Variants in RTCB observed in about 807,000 individuals in gnomAD.
RTCB encodes RNA-splicing ligase RTCB.
In RTCB, 32 loss-of-function variants were observed where a neutral mutation model predicts 58.2. The observed-to-expected ratio is 0.55, with a 90% confidence interval of 0.41 to 0.74. RTCB has a LOEUF of 0.74. Ranked by LOEUF, RTCB falls within the 30% of genes least tolerant of loss-of-function variation. The pLI is 0.00. For missense variants in RTCB, 523 were observed against 639.0 expected, an observed-to-expected ratio of 0.82 and a Z score of 1.96; for synonymous variants, 247 against 218.6, an observed-to-expected ratio of 1.13 and a Z score of -1.15.
intron 1 of RTCB, among the ~76,000 whole-genome samples, chr22:32,409,104 T>A (rs1179698021): frequency 1.3e-5 from 2 of 152,120 alleles, no homozygotes; most frequent in African/African-American, 2.4e-5. Context: ...AGATTCAGCA[T>A]CTTTTTGTGA....
chr22:32,412,076 C>T lies in RTCB; in HGVS notation c.81G>A (p.Val27=), dbSNP rs768697896. ...TCTCCTGCCTTACCTGCATGTTGGG[C>T]ACGAAGCCCTTCTTGATCCTCCAGC... is the stretch of plus-strand genomic sequence containing the variant. ...KNCWRIKKGF[V]PNMQVEGVFY... Residue 27 remains valine (V), a synonymous_variant, in exon 1 of 12, where the codon GTG becomes GTA. Coordinates refer to ENST00000216038, the MANE Select transcript of RTCB (RefSeq NM_014306.5). 6.2e-7 allele frequency: 1 copy of T among 1,607,424 alleles called. No homozygotes were observed. Among genetic ancestry groups the T allele is most frequent in the Non-Finnish European group, 8.5e-7 (1 of 1,178,622 alleles).
chr22:32,405,311 G>C (rs895797449), intron 4 of RTCB, among the ~76,000 whole-genome samples: 1 of 152,142 alleles, frequency 6.6e-6, no homozygotes, highest in Non-Finnish European at 1.5e-5. Flanking sequence ...TATTACTAAA[G>C]TGGTCCCGAG....
intron 5 of RTCB, 46 bp downstream of exon 5, chr22:32,401,701 G>A: frequency 6.3e-7 from 1 of 1,593,006 alleles, no homozygotes; most frequent in Non-Finnish European, 8.6e-7. Context: ...AAGGTCATGT[G>A]GTTATTATCC....
In RTCB at chr22:32,387,775, T is replaced by G. The variant is rs1933082507; in HGVS notation, c.*217A>C. Reference sequence around the variant, plus strand: ...ACCAAGGAGAAGGCATATTCCTCCCTTTCCAAAGGTGGGCAATGTGCCTCT... The same window carrying G: ...ACCAAGGAGAAGGCATATTCCTCCCGTTCCAAAGGTGGGCAATGTGCCTCT... On this transcript the variant is annotated 3_prime_UTR_variant, in exon 12 of 12. Transcript: ENST00000216038. The G allele has an allele frequency of 1.0e-5, 5 of 493,268 alleles. No individual in the cohort carries two copies. The highest frequency in any genetic ancestry group is 1.8e-5 in the Non-Finnish European group (5 of 272,910). The allele number at this position is 493,268 out of a possible 1,614,324, so 30.6% of individuals were successfully genotyped here. A position where few individuals can be genotyped will look rare whatever the true frequency, so the allele number is the denominator to read the frequency against.
intron 7 of RTCB, 73 bp downstream of exon 7, chr22:32,397,868 C>A: frequency 7.0e-7 from 1 of 1,430,738 alleles, no homozygotes; most frequent in Non-Finnish European, 9.5e-7. Flanking sequence ...CAGTATATTT[C>A]AGAGTTTTCG....
chr22:32,395,184 CAG>C lies in RTCB; in HGVS notation c.1019_1020del (p.Pro340ArgfsTer2). The C allele has an allele frequency of 6.2e-7, 1 of 1,614,172 alleles. No individual in the cohort carries two copies. ...TAGATCACATGTAGGTCCAAGTCAT[CAG>C]GGGTTGTGTTGAAGACCTTGGCGAA... ...QAFAKVFNTT[P>X]DDLDLHVIYD... On this transcript the variant is annotated frameshift_variant, in exon 9 of 12. Transcript: ENST00000216038. LOFTEE classifies it high-confidence loss of function.
intron 4 of RTCB, among the ~76,000 whole-genome samples, chr22:32,403,294 C>A (rs1236013230): frequency 2.0e-5 from 3 of 152,094 alleles, no homozygotes; most frequent in African/African-American, 2.4e-5. Flanking sequence ...GTAGTCCCAG[C>A]CACTCAGGAG....
intron 1 of RTCB, among the ~76,000 whole-genome samples, chr22:32,411,304 T>C (rs1391635911): frequency 6.6e-6 from 1 of 152,190 alleles, no homozygotes; most frequent in Non-Finnish European, 1.5e-5. Context: ...ATAAACGTTT[T>C]CTTTTTTCAC....
intron 10 of RTCB, among the ~76,000 whole-genome samples, chr22:32,392,873 T>G (rs905586694): frequency 1.3e-5 from 2 of 152,344 alleles, no homozygotes; most frequent in Non-Finnish European, 2.9e-5. Context: ...CTGGATGGCT[T>G]AGAAAAGGGG....
At chr22:32,395,677 GC>G (rs1171202649) in intron 8 of RTCB, among the ~76,000 whole-genome samples, 2 of 152,076 alleles carry the variant, frequency 1.3e-5, no homozygotes, top group Non-Finnish European at 2.9e-5. Context: ...AACACCATAG[GC>G]TTTGACTGGA....
At chr22:32,394,282 T>C (rs1471296944) in intron 9 of RTCB, among the ~76,000 whole-genome samples, 2 of 152,068 alleles carry the variant, frequency 1.3e-5, no homozygotes, top group African/African-American at 4.8e-5. Flanking sequence ...CAGCTAATTT[T>C]TTGTATTTTT....
chr22:32,408,142 T>C (rs764126971), intron 3 of RTCB, 33 bp downstream of exon 3: 4 of 1,590,278 alleles, frequency 2.5e-6, no homozygotes, highest in Non-Finnish European at 2.6e-6. Flanking sequence ...CTTTAAGAAA[T>C]ATAAATGATT....
intron 1 of RTCB, 124 bp downstream of exon 1, chr22:32,411,940 G>A (rs577500661): frequency 1.5e-6 from 1 of 683,884 alleles, no homozygotes; most frequent in South Asian, 2.0e-5. Flanking sequence ...AGGACGGGAT[G>A]AGGGAAACTC....
chr22:32,407,648 A>G (rs1010559999), intron 3 of RTCB: 2 of 152,880 alleles, frequency 1.3e-5, no homozygotes, highest in South Asian at 4.1e-4. Flanking sequence ...GATAAGAAAC[A>G]AAACACAAAA....
chr22:32,396,010 T>C, intron 8 of RTCB, 64 bp downstream of exon 8: 1 of 1,547,278 alleles, frequency 6.5e-7, no homozygotes, highest in African/African-American at 1.4e-5. Context: ...TGGACTGCAC[T>C]ATGTTTTAAA....
chr22:32,388,789 T>A (rs1933102524), intron 11 of RTCB, among the ~76,000 whole-genome samples: 1 of 152,136 alleles, frequency 6.6e-6, no homozygotes, highest in African/African-American at 2.4e-5. Flanking sequence ...CTGTACATAA[T>A]ATCCTTTTCT....
At chr22:32,394,881 AGAGAAG>A in intron 9 of RTCB, 139 bp downstream of exon 9, 1 of 710,636 alleles carries the variant, frequency 1.4e-6, no homozygotes, top group Non-Finnish European at 2.3e-6. Context: ...TTACTGCTTC[AGAGAAG>A]ATTGGGAATC....
Position 32,392,243 on chromosome 22 carries a change from T to C in RTCB, c.1407A>G (p.Glu469=), listed in dbSNP as rs1345861294. The C allele has an allele frequency of 6.2e-7, 1 of 1,606,240 alleles. No individual in the cohort carries two copies. The highest frequency in any genetic ancestry group is 1.7e-5 in the Admixed American group (1 of 57,470). The change falls in exon 11 of 12, where the codon GAA becomes GAG. Residue 469 remains glutamate, a synonymous_variant. Transcript: ENST00000216038. ...IRVASPKLVM[E]EAPESYKNVT... is the part of the protein sequence containing the mutation. ...TATTTATCAAAATTTCACTTACCTCTTCCATAACCAGTTTGGGTGAGGCAA... is the reference window on the plus strand; with the variant it reads ...TATTTATCAAAATTTCACTTACCTCCTCCATAACCAGTTTGGGTGAGGCAA...
chr22:32,393,908 GT>G lies in RTCB; in HGVS notation c.1273del (p.Thr425GlnfsTer19), dbSNP rs753254821. ...TTTCCTTACCGCTCCATGACAGGTT[GT>G]TCCAAAGGTCTCAGTCATGCCCTGT... The part of the protein sequence containing the change: ...TEQGMTETFG[T>X]TCHGAGRALS... On this transcript the variant is annotated frameshift_variant, in exon 10 of 12. Coordinates refer to ENST00000216038, the MANE Select transcript of RTCB (RefSeq NM_014306.5). LOFTEE classifies it high-confidence loss of function. The G allele has an allele frequency of 6.2e-7, 1 of 1,612,458 alleles. No individual in the cohort carries two copies. The highest frequency in any genetic ancestry group is 1.3e-5 in the African/African-American group (1 of 74,896).
Sources: gnomAD v4.1 joint callset for allele counts (sites outside exome capture counted in the v4.1 genomes callset) on GRCh38, gnomAD v4.1.1 for gene constraint, MANE v1.5 for transcripts, NCBI Gene and HGNC (gene_info 2026-07-23, HGNC 2026-07-21) for gene names.